The following CNTLN variants were observed in gnomAD, a reference collection of about 807,000 sequenced individuals.
CNTLN encodes the protein centlein, also known as centlein, centrosomal protein.
Under a neutral mutation model 180.0 loss-of-function variants are expected in CNTLN, and 212 were observed. That is an observed-to-expected ratio of 1.18 (90% CI 1.05 to 1.32). CNTLN has a LOEUF of 1.32. CNTLN is among the 40% of genes most tolerant of loss of function. The probability of loss-of-function intolerance (pLI) is 0.00; values close to 1 mark genes in which losing one functional copy is unlikely to be tolerated. For synonymous variants in CNTLN, 722 were observed against 563.1 expected (o/e 1.28, Z -3.99); for missense variants, 2,095 against 1,610.9 (o/e 1.30, Z -5.14).
At chr9:17,142,941 A>G (rs1337785098) in intron 1 of CNTLN, among the ~76,000 whole-genome samples, 1 of 152,204 alleles carries the variant, frequency 6.6e-6, no homozygotes, top group Non-Finnish European at 1.5e-5. Flanking sequence ...TAGGAAACAG[A>G]CATAGTAATT....
At chr9:17,312,383 T>A (rs1419773313) in intron 8 of CNTLN, among the ~76,000 whole-genome samples, 13 of 109,698 alleles carry the variant, frequency 1.2e-4, no homozygotes, top group African/African-American at 3.1e-4. Context: ...TATATATATA[T>A]AATTTATTTA....
chr9:17,213,565 C>G (rs1321149573), intron 2 of CNTLN, among the ~76,000 whole-genome samples: 3 of 152,080 alleles, frequency 2.0e-5, no homozygotes, highest in Non-Finnish European at 2.9e-5. Context: ...GTAGATGTCT[C>G]TTAGGTCTGC....
chr9:17,229,892 C>T (rs995231467), intron 3 of CNTLN, among the ~76,000 whole-genome samples: 2 of 152,042 alleles, frequency 1.3e-5, no homozygotes, highest in East Asian at 1.9e-4. Context: ...CTCTGGTATC[C>T]GTGCCTTTTA....
intron 18 of CNTLN, among the ~76,000 whole-genome samples, chr9:17,451,554 G>A (rs7031353): frequency 1.9e-3 from 294 of 152,244 alleles, no homozygotes; most frequent in African/African-American, 6.6e-3. Context: ...AGAAAACTCG[G>A]AGAGTACATT....
chr9:17,257,213 G>C (rs1826571771), intron 5 of CNTLN, among the ~76,000 whole-genome samples: 1 of 151,806 alleles, frequency 6.6e-6, no homozygotes, highest in African/African-American at 2.4e-5. Flanking sequence ...ACCTATGAGT[G>C]AGAATATGCG....
At chr9:17,291,733 C>T (rs768582028) in intron 6 of CNTLN, among the ~76,000 whole-genome samples, 41 of 152,264 alleles carry the variant, frequency 2.7e-4, no homozygotes, top group Non-Finnish European at 3.8e-4. Context: ...AAATCCAGCA[C>T]GTTGATGAGT....
intron 18 of CNTLN, among the ~76,000 whole-genome samples, chr9:17,430,736 A>T (rs966878805): frequency 6.6e-6 from 1 of 152,112 alleles, no homozygotes; most frequent in Non-Finnish European, 1.5e-5. Context: ...GGTAACCACC[A>T]TTCTACTCAC....
intron 12 of CNTLN, among the ~76,000 whole-genome samples, chr9:17,358,085 TA>T (rs1822992548): frequency 6.6e-6 from 1 of 152,038 alleles, no homozygotes; most frequent in Admixed American, 6.6e-5. Context: ...CTAGGGAATA[TA>T]AAAACCCTTG....
At chr9:17,196,593 A>G (rs1439999178) in intron 2 of CNTLN, among the ~76,000 whole-genome samples, 2 of 151,862 alleles carry the variant, frequency 1.3e-5, no homozygotes, top group Non-Finnish European at 1.5e-5. Context: ...TAAGACTTAT[A>G]TGAATATTTC....
At chr9:17,452,184 C>T (rs1830823995) in intron 18 of CNTLN, among the ~76,000 whole-genome samples, 1 of 151,918 alleles carries the variant, frequency 6.6e-6, no homozygotes, top group Admixed American at 6.6e-5. Flanking sequence ...TTTTCTACGC[C>T]CTTTATTTCT....
At chr9:17,244,593 G>A (rs1297645977) in intron 5 of CNTLN, among the ~76,000 whole-genome samples, 1 of 152,024 alleles carries the variant, frequency 6.6e-6, no homozygotes, top group Admixed American at 6.6e-5. Flanking sequence ...AGTTTGGTCT[G>A]TTTACCTTCC....
chr9:17,448,727 A>C (rs556779933), intron 18 of CNTLN, among the ~76,000 whole-genome samples: 3 of 152,192 alleles, frequency 2.0e-5, no homozygotes, highest in Non-Finnish European at 4.4e-5. Flanking sequence ...TTGAGTGGAC[A>C]TTCACTTAAA....
chr9:17,143,160 A>G (rs968239756), intron 1 of CNTLN, 128 bp from the exon 2 acceptor site: 13 of 619,750 alleles, frequency 2.1e-5, no homozygotes, highest in Non-Finnish European at 3.7e-5. Context: ...TCCTTTAAAG[A>G]GAATCAGTTG....
At chr9:17,388,097 A>T in intron 13 of CNTLN, 65 bp from the exon 14 acceptor site, 1 of 1,021,822 alleles carries the variant, frequency 9.8e-7, no homozygotes, top group South Asian at 2.2e-5. Flanking sequence ...CCTTTTTCTT[A>T]AAATGACAGG....
intron 13 of CNTLN, among the ~76,000 whole-genome samples, chr9:17,377,866 C>T (rs548636019): frequency 2.0e-5 from 3 of 152,236 alleles, no homozygotes; most frequent in Non-Finnish European, 2.9e-5. Flanking sequence ...CTTTTTTCAA[C>T]TTGATATTCA....
Position 17,487,011 on chromosome 9 carries a change from A to G in CNTLN, c.4064A>G (p.Asp1355Gly), listed in dbSNP as rs1832923800. 4 of 1,578,346 alleles carry G rather than the reference A, an allele frequency of 2.5e-6. No individual in the cohort carries two copies. The African/African-American group carries it at 4.1e-5, about 16-fold the overall frequency. Residue 1355 changes from aspartate to glycine, a missense_variant, in exon 25 of 26, where the codon GAT becomes GGT. Asp to Gly is a moderately conservative substitution (Grantham distance 94). Coordinates refer to ENST00000380647, the MANE Select transcript of CNTLN (RefSeq NM_017738.4). The stretch of plus-strand genomic sequence containing the variant: ...CAGGAAATTGAAAAAACAAAAATTG[A>G]TGCTGAAAATGACAAGGAATGGATG... ...DQVEIEKTKI[D>G]AENDKEWMLY...
chr9:17,408,585 A>T (rs1306953704), intron 15 of CNTLN, among the ~76,000 whole-genome samples: 2 of 151,874 alleles, frequency 1.3e-5, no homozygotes, highest in Non-Finnish European at 2.9e-5. Flanking sequence ...GCAGATCACG[A>T]GGTCAGGAGA....
intron 5 of CNTLN, among the ~76,000 whole-genome samples, chr9:17,265,948 G>T (rs13289755): frequency 0.22 from 33,883 of 151,174 alleles, 4,088 homozygotes; most frequent in South Asian, 0.36. Context: ...TATTATTCTT[G>T]CTAGCGGTCT....
At chr9:17,205,149 G>A (rs76019887) in intron 2 of CNTLN, among the ~76,000 whole-genome samples, 6,269 of 152,216 alleles carry the variant, frequency 0.041, 139 homozygotes, top group East Asian at 0.069. Context: ...AGAAAGCTGG[G>A]CTCTGTGGGA....
Sources: allele counts gnomAD v4.1 joint callset (sites outside exome capture counted in the v4.1 genomes callset), GRCh38; gene constraint gnomAD v4.1.1; transcripts MANE v1.5; gene names NCBI Gene and HGNC (gene_info 2026-07-23, HGNC 2026-07-21).